Variants in DUSP13B observed in about 807,000 individuals in gnomAD.
DUSP13B encodes the protein dual specificity protein phosphatase 13B.
the DUSP13B span, chr10:75,095,510 C>A: frequency 2.0e-6 from 3 of 1,467,260 alleles, no homozygotes; most frequent in Non-Finnish European, 2.8e-6. Context: ...ACCAGTGCTA[C>A]TGGAATAATG....
chr10:75,105,923 G>C, the DUSP13B span: 3 of 1,504,768 alleles, frequency 2.0e-6, 1 homozygote, highest in South Asian at 3.7e-5. Context: ...CCACCCACGG[G>C]CTGGGATGGG....
At chr10:75,095,361 C>T in the DUSP13B span, among the ~76,000 whole-genome samples, 3 of 152,308 alleles carry the variant, frequency 2.0e-5, no homozygotes, top group South Asian at 6.2e-4. Context: ...ATGCTGATGA[C>T]CACACTGCAT....
At chr10:75,098,351 G>A in the DUSP13B span, among the ~76,000 whole-genome samples, 3 of 152,104 alleles carry the variant, frequency 2.0e-5, no homozygotes, top group Non-Finnish European at 2.9e-5. Flanking sequence ...TCAGACCCCC[G>A]TCCCCTCCCA....
At chr10:75,108,119 G>A in the DUSP13B span, 2 of 1,613,780 alleles carry the variant, frequency 1.2e-6, no homozygotes, top group Non-Finnish European at 1.7e-6. Flanking sequence ...AGAAGTCAGG[G>A]CCGCCCTGAC....
chr10:75,095,697 A>G, the DUSP13B span: 1 of 1,614,168 alleles, frequency 6.2e-7, no homozygotes, highest in African/African-American at 1.3e-5. Context: ...TCCACGGTAG[A>G]ATTTGGCACC....
At chr10:75,107,266 C>A in the DUSP13B span, among the ~76,000 whole-genome samples, 7 of 150,922 alleles carry the variant, frequency 4.6e-5, no homozygotes, top group African/African-American at 1.7e-4. Flanking sequence ...AGCCCAGAGG[C>A]AGAGGTTGAA....
At chr10:75,109,038 T>A in the DUSP13B span, 1 of 1,610,962 alleles carries the variant, frequency 6.2e-7, no homozygotes, top group African/African-American at 1.3e-5. Context: ...TGGGCCAAAC[T>A]TCGTCCACAC....
At chr10:75,108,993 G>T in the DUSP13B span, 1 of 1,588,480 alleles carries the variant, frequency 6.3e-7, no homozygotes, top group East Asian at 2.3e-5. Context: ...ATGCCCCTTG[G>T]CCAGCTACCA....
the DUSP13B span, among the ~76,000 whole-genome samples, chr10:75,107,405 T>C: frequency 2.5e-4 from 38 of 151,342 alleles, no homozygotes; most frequent in South Asian, 4.4e-3. Flanking sequence ...TACCAAATGG[T>C]GCTTTCCCAA....
At chr10:75,108,240 G>A in the DUSP13B span, 5 of 1,566,486 alleles carry the variant, frequency 3.2e-6, no homozygotes, top group South Asian at 1.2e-5. Flanking sequence ...ACTTGATGCC[G>A]GCCAAGCCAT....
the DUSP13B span, chr10:75,108,974 C>T: frequency 6.4e-7 from 1 of 1,569,384 alleles, no homozygotes. Context: ...TCTCCACGTC[C>T]CCACCCCCAT....
chr10:75,105,918 C>T, the DUSP13B span: 5 of 1,519,372 alleles, frequency 3.3e-6, no homozygotes, highest in African/African-American at 1.4e-5. Flanking sequence ...CCGGCCCACC[C>T]ACGGGCTGGG....
At chr10:75,101,843 C>A in the DUSP13B span, 308 of 1,361,976 alleles carry the variant, frequency 2.3e-4, 1 homozygote, top group East Asian at 8.1e-3. Context: ...TCCTACCCCC[C>A]CCAAATTAGG....
At chr10:75,095,576 T>C in the DUSP13B span, 1 of 1,613,620 alleles carries the variant, frequency 6.2e-7, no homozygotes, top group South Asian at 1.1e-5. Context: ...GAAGTGCACC[T>C]TGGGGAACAC....
At chr10:75,104,254 G>T in the DUSP13B span, among the ~76,000 whole-genome samples, 3 of 152,192 alleles carry the variant, frequency 2.0e-5, no homozygotes, top group Non-Finnish European at 2.9e-5. Flanking sequence ...GAGAGATGAG[G>T]AGGTAGATTT....
the DUSP13B span, among the ~76,000 whole-genome samples, chr10:75,100,641 C>T: frequency 6.6e-6 from 1 of 152,210 alleles, no homozygotes; most frequent in Non-Finnish European, 1.5e-5. Flanking sequence ...CTGCAGTCTT[C>T]CTTCTCTCCC....
chr10:75,098,893 T>C, the DUSP13B span: 1 of 1,040,712 alleles, frequency 9.6e-7, no homozygotes, highest in Non-Finnish European at 1.2e-6. Flanking sequence ...AAGGCTGGGG[T>C]TTTAGTCCAT....
chr10:75,099,651 T>C, the DUSP13B span: 1 of 791,938 alleles, frequency 1.3e-6, no homozygotes. Context: ...CCAGGCCTCC[T>C]CTCTGCTTGG....
chr10:75,106,499 C>T, the DUSP13B span, among the ~76,000 whole-genome samples: 1 of 152,166 alleles, frequency 6.6e-6, no homozygotes, highest in African/African-American at 2.4e-5. Flanking sequence ...CTTGACCGCT[C>T]AAAGTATTGC....
Sources: gnomAD v4.1 joint callset for allele counts (sites outside exome capture counted in the v4.1 genomes callset) on GRCh38, gnomAD v4.1.1 for gene constraint, MANE v1.5 for transcripts, NCBI Gene and HGNC (gene_info 2026-07-23, HGNC 2026-07-21) for gene names.